SPAG1: variants seen among roughly 807,000 people sequenced by gnomAD.
SPAG1 encodes sperm-associated antigen 1.
A neutral mutation model predicts 100.5 loss-of-function variants in SPAG1; 69 were observed. The observed-to-expected ratio is 0.69, with a 90% confidence interval of 0.57 to 0.84. SPAG1 has a LOEUF of 0.84. SPAG1 is among the 40% of genes least tolerant of loss of function. The probability of loss-of-function intolerance (pLI) is 0.00; values close to 1 mark genes in which losing one functional copy is unlikely to be tolerated. For missense variants in SPAG1, 955 were observed against 1,133.1 expected, an observed-to-expected ratio of 0.84 and a Z score of 2.26; for synonymous variants, 336 against 411.6, an observed-to-expected ratio of 0.82 and a Z score of 2.22.
intron 10 of SPAG1, among the ~76,000 whole-genome samples, chr8:100,206,617 G>A (rs1450443264): frequency 6.6e-6 from 1 of 152,132 alleles, no homozygotes; most frequent in African/African-American, 2.4e-5. Context: ...GGTGGTATGG[G>A]GCCTGTCGAG....
rs1285343556 is a variant in SPAG1, at chr8:100,177,522, G to C, written c.301-294G>C. Among the ~76,000 whole-genome samples, 14 of 151,808 alleles carry C rather than the reference G, an allele frequency of 9.2e-5. No individual in the cohort carries two copies. The South Asian group carries it at 2.9e-3, about 32-fold the overall frequency. ...GATAAATTTTAACTTTTTATAACTT[G>C]TGTATACTTTATGGTAGTAAATGAT... On this transcript the variant is annotated intron_variant, in intron 3 of 18. Transcript: ENST00000388798.
chr8:100,220,971 G>A (rs1294322311), intron 13 of SPAG1, among the ~76,000 whole-genome samples: 7 of 152,100 alleles, frequency 4.6e-5, no homozygotes, highest in Admixed American at 4.6e-4. Context: ...TACTCAGGAG[G>A]CTGAGGCAGG....
intron 16 of SPAG1, among the ~76,000 whole-genome samples, chr8:100,235,974 G>T (rs1818988925): frequency 6.6e-6 from 1 of 152,128 alleles, no homozygotes; most frequent in South Asian, 2.1e-4. Context: ...GGTAAATGAG[G>T]ATCTGTATGG....
intron 16 of SPAG1, 111 bp downstream of exon 16, chr8:100,233,648 T>C (rs1391587823): frequency 1.8e-6 from 2 of 1,117,524 alleles, no homozygotes; most frequent in African/African-American, 3.1e-5. Flanking sequence ...TTCTTGGATT[T>C]AATCCTAGAA....
intron 16 of SPAG1, among the ~76,000 whole-genome samples, chr8:100,236,603 A>T (rs1819018528): frequency 6.6e-6 from 1 of 152,188 alleles, no homozygotes; most frequent in African/African-American, 2.4e-5. Flanking sequence ...TGTTTTCCTC[A>T]GATCTTCTGT....
chr8:100,222,908 G>A (rs1455865438), intron 13 of SPAG1, among the ~76,000 whole-genome samples: 2 of 152,128 alleles, frequency 1.3e-5, no homozygotes, highest in Non-Finnish European at 2.9e-5. Flanking sequence ...CCTGTACCCA[G>A]TAAGCAGCCA....
chr8:100,159,212 A>G (rs1815200796), intron 1 of SPAG1, among the ~76,000 whole-genome samples: 1 of 152,150 alleles, frequency 6.6e-6, no homozygotes, highest in South Asian at 2.1e-4. Flanking sequence ...TTCTAAGGCA[A>G]CCCATTCTAT....
intron 3 of SPAG1, among the ~76,000 whole-genome samples, chr8:100,176,275 A>G (rs1174091406): frequency 1.3e-5 from 2 of 151,256 alleles, no homozygotes; most frequent in African/African-American, 4.9e-5. Flanking sequence ...TAGGTCCATC[A>G]TCTTCCTTTT....
At chr8:100,201,377 A>G (rs1325754605) in intron 10 of SPAG1, among the ~76,000 whole-genome samples, 1 of 152,030 alleles carries the variant, frequency 6.6e-6, no homozygotes, top group Non-Finnish European at 1.5e-5. Flanking sequence ...CTCCCACCTC[A>G]GCCTCCCAAA....
intron 7 of SPAG1, 77 bp from the exon 8 acceptor site, chr8:100,187,043 A>G: frequency 2.8e-6 from 4 of 1,437,894 alleles, no homozygotes; most frequent in Non-Finnish European, 3.8e-6. Flanking sequence ...TGTTTTATGT[A>G]TAACTGAAGC....
chr8:100,215,194 T>G (rs3098660), intron 12 of SPAG1, among the ~76,000 whole-genome samples: 64,449 of 150,480 alleles, frequency 0.43, 14,494 homozygotes, highest in East Asian at 0.61. Flanking sequence ...CATCCTCTGG[T>G]GTCCTCTGAG....
chr8:100,209,556 A>G (rs1371613385), intron 10 of SPAG1, among the ~76,000 whole-genome samples: 1 of 151,748 alleles, frequency 6.6e-6, no homozygotes, highest in Admixed American at 6.6e-5. Context: ...TTCTGCAAAA[A>G]GTTTTGATAG....
At chr8:100,236,578 C>G (rs192809896) in intron 16 of SPAG1, among the ~76,000 whole-genome samples, 2 of 152,288 alleles carry the variant, frequency 1.3e-5, no homozygotes, top group East Asian at 3.9e-4. Flanking sequence ...GCCTTTAGCT[C>G]CCAGCTCAAC....
intron 10 of SPAG1, among the ~76,000 whole-genome samples, chr8:100,195,610 C>T (rs746505727): frequency 2.6e-5 from 4 of 152,044 alleles, no homozygotes; most frequent in Non-Finnish European, 4.4e-5. Flanking sequence ...ATTGTAAATA[C>T]GATCTGGCAG....
chr8:100,217,264 G>A (rs554481960), intron 12 of SPAG1, among the ~76,000 whole-genome samples: 1 of 152,096 alleles, frequency 6.6e-6, no homozygotes, highest in Non-Finnish European at 1.5e-5. Context: ...CACCAGATAA[G>A]TGGTATCAGG....
intron 2 of SPAG1, among the ~76,000 whole-genome samples, chr8:100,164,786 T>C (rs1815476153): frequency 6.6e-6 from 1 of 152,348 alleles, no homozygotes; most frequent in Non-Finnish European, 1.5e-5. Flanking sequence ...TCATAAGCTA[T>C]ATATTTAATT....
At chr8:100,184,180 G>T (rs1021242496) in intron 6 of SPAG1, 118 bp downstream of exon 6, 14 of 467,324 alleles carry the variant, frequency 3.0e-5, no homozygotes, top group Admixed American at 8.6e-5. Context: ...AAAAGTTTAT[G>T]GATTTTCTCT....
At chr8:100,173,795 T>C (rs1286652232) in intron 3 of SPAG1, among the ~76,000 whole-genome samples, 1 of 152,310 alleles carries the variant, frequency 6.6e-6, no homozygotes, top group Non-Finnish European at 1.5e-5. Context: ...AGAAGCACTT[T>C]TAGCCCAACT....
chr8:100,217,114 T>C (rs1454182196), intron 12 of SPAG1, among the ~76,000 whole-genome samples: 2 of 151,902 alleles, frequency 1.3e-5, no homozygotes, highest in Non-Finnish European at 2.9e-5. Flanking sequence ...TTTTTCATAT[T>C]TTTTGTAGAG....
Sources: allele counts gnomAD v4.1 joint callset (sites outside exome capture counted in the v4.1 genomes callset), GRCh38; gene constraint gnomAD v4.1.1; transcripts MANE v1.5; gene names NCBI Gene and HGNC (gene_info 2026-07-23, HGNC 2026-07-21).